Variants in KNG1 observed in about 807,000 individuals in gnomAD.
KNG1 encodes kininogen-1.
A neutral mutation model predicts 47.8 loss-of-function variants in KNG1; 23 were observed. The ratio of observed to expected loss-of-function variants is 0.48; its 90% CI spans 0.35 to 0.68. KNG1 has a LOEUF of 0.68. Among genes scored for constraint, KNG1 ranks in the 30% least tolerant of loss-of-function variants. The pLI, the probability that KNG1 is intolerant of heterozygous loss-of-function variation, is 0.01. For synonymous variants in KNG1, 277 were observed against 277.0 expected, an observed-to-expected ratio of 1.00 and a Z score of 0.00; for missense variants, 762 against 790.2, an observed-to-expected ratio of 0.96 and a Z score of 0.43.
At position 186,732,566 on chromosome 3, in the gene KNG1, C is replaced by G; in HGVS notation, c.822C>G (p.Asn274Lys). The stretch of plus-strand genomic sequence containing the variant: ...GCTGCCCCAGAGATATACCCACCAA[C>G]AGCCCAGAGCTGGAGGAGACACTGA... ...CVGCPRDIPT[N>K]SPELEETLTH... Residue 274 changes from asparagine (N) to lysine (K), a missense_variant, in exon 7 of 10, where the codon AAC becomes AAG. Physicochemically the swap from Asn to Lys is moderately conservative, Grantham distance 94 (BLOSUM62 0). Transcript: ENST00000644859. 1 of 1,614,098 alleles carries G rather than the reference C, an allele frequency of 6.2e-7. No individual in the cohort carries two copies. The highest frequency in any genetic ancestry group is 1.1e-5 in the South Asian group (1 of 91,076).
At chr3:186,738,863 G>C in intron 7 of KNG1, 1 of 421,798 alleles carries the variant, frequency 2.4e-6, no homozygotes, top group Non-Finnish European at 4.3e-6. Flanking sequence ...AAAAAATAAA[G>C]AAAATTATAG....
At chr3:186,739,306 C>T (rs750118131) in intron 8 of KNG1, 22 bp from the exon 9 acceptor site, 26 of 1,602,468 alleles carry the variant, frequency 1.6e-5, no homozygotes, top group Admixed American at 8.3e-5. Context: ...GTCTCTCTTT[C>T]GACTTCTGTT....
chr3:186,739,477 G>T, intron 9 of KNG1, 63 bp downstream of exon 9: 1 of 1,137,716 alleles, frequency 8.8e-7, no homozygotes, highest in Non-Finnish European at 1.3e-6. Flanking sequence ...CCATATTTGG[G>T]GGCTGAAAAT....
In KNG1 at chr3:186,743,776, G is replaced by C; in HGVS notation, c.*1445G>C. ...GGGCAGAGCCAGCATCTGAGAGGGA[G>C]GTCTCTTGACCAATGGGCAGAATCT... On this transcript the variant is annotated 3_prime_UTR_variant, in exon 10 of 10. Transcript: ENST00000644859. 6.2e-7 allele frequency: 1 copy of C among 1,613,746 alleles called. No individual in the cohort carries two copies. Among genetic ancestry groups the C allele is most frequent in the South Asian group, 1.1e-5 (1 of 91,074 alleles).
Position 186,725,166 on chromosome 3 carries a change from A to G in KNG1, c.470A>G (p.Glu157Gly), listed in dbSNP as rs754347642. ...HPISTQSPDL[E>G]PILRHGIQYF... ...ATATCAACGCAGAGCCCAGACCTGG[A>G]GCCCATTCTGAGACACGGCATTCAG... is the stretch of plus-strand genomic sequence containing the variant. Residue 157 changes from glutamate to glycine, a missense_variant, in exon 4 of 10, where the codon GAG (glutamate) becomes GGG (glycine). By Grantham distance (98) the Glu-to-Gly change is moderately conservative. Coordinates refer to ENST00000644859, the MANE Select transcript of KNG1 (RefSeq NM_001102416.3). The G allele has an allele frequency of 5.0e-6, 8 of 1,614,168 alleles. No homozygotes were observed. Among genetic ancestry groups the G allele is most frequent in the Non-Finnish European group, 6.8e-6 (8 of 1,180,004 alleles).
intron 5 of KNG1, 41 bp downstream of exon 5, chr3:186,727,385 TG>T: frequency 7.6e-7 from 1 of 1,307,450 alleles, no homozygotes; most frequent in South Asian, 1.2e-5. Context: ...CTTAGCATTT[TG>T]TTTACATTTT....
chr3:186,739,510 G>A, intron 9 of KNG1, 96 bp downstream of exon 9: 1 of 840,550 alleles, frequency 1.2e-6, no homozygotes, highest in Non-Finnish European at 2.1e-6. Flanking sequence ...AAATGAATTG[G>A]GGAGCTATCT....
chr3:186,726,075 C>A (rs28496811), intron 4 of KNG1, among the ~76,000 whole-genome samples: 28,441 of 151,622 alleles, frequency 0.19, 2,859 homozygotes, highest in South Asian at 0.31. Context: ...GGATTACAGG[C>A]GCTCATCACC....
In KNG1 at chr3:186,726,137, G is replaced by A. The variant is rs113271688; in HGVS notation, c.564+877G>A. On this transcript the variant is annotated intron_variant, in intron 4 of 9. Transcript: ENST00000644859. ...GTAGAGACGAGGTTTCACCATGGTG[G>A]CCAAGCGGGTGGTCTCAAACTCCCA... Among the ~76,000 whole-genome samples, 267 of 151,946 alleles carry A rather than the reference G, an allele frequency of 1.8e-3. 1 individual carries two copies. The highest frequency in any genetic ancestry group is 6.0e-3 in the African/African-American group (250 of 41,460).
chr3:186,727,241 T>C lies in KNG1; in HGVS notation c.569T>C (p.Val190Ala). The change falls in exon 5 of 10, where the codon GTG becomes GCG. Residue 190 changes from valine (V) to alanine (A), a missense_variant. Physicochemically the swap from Val to Ala is moderately conservative, Grantham distance 64. Transcript: ENST00000644859. ...TTCAATCTGAAATTGTTTCAGGTGG[T>C]GGCTGGATTGAACTTTCGAATTACC... is the stretch of plus-strand genomic sequence containing the variant. ...NEVKRAQRQV[V>A]AGLNFRITYS... 3 of 1,607,776 alleles carry C rather than the reference T, an allele frequency of 1.9e-6. No homozygotes were observed. Among genetic ancestry groups the C allele is most frequent in the Non-Finnish European group, 2.6e-6 (3 of 1,174,152 alleles).
At chr3:186,730,242 T>A (rs1035397441) in intron 5 of KNG1, among the ~76,000 whole-genome samples, 10 of 152,154 alleles carry the variant, frequency 6.6e-5, no homozygotes, top group Non-Finnish European at 1.3e-4. Flanking sequence ...TGTTTAAACA[T>A]GTTATGAATT....
At chr3:186,741,355 C>CA (rs1720805660) in intron 9 of KNG1, among the ~76,000 whole-genome samples, 167 bp from the exon 10 acceptor site, 2 of 151,706 alleles carry the variant, frequency 1.3e-5, no homozygotes, top group South Asian at 2.1e-4. Context: ...AATCAAAAGA[C>CA]AAAAAAAATT....
chr3:186,720,107 T>C lies in KNG1; in HGVS notation c.198T>C (p.Val66=). Residue 66 remains valine, a splice_region_variant and synonymous_variant, in exon 2 of 10, where the codon GTT becomes GTC. Coordinates refer to ENST00000644859, the MANE Select transcript of KNG1 (RefSeq NM_001102416.3). ...LYRITEATKT[V]GSDTFYSFKY... is the part of the protein sequence containing the mutation. ...AAGTATCTTTGGCTGCTTTTCAGGT[T>C]GGCTCTGACACGTTTTATTCCTTCA... is the stretch of plus-strand genomic sequence containing the variant. 1 of 1,609,654 alleles carries C rather than the reference T, an allele frequency of 6.2e-7. No individual in the cohort carries two copies. The highest frequency in any genetic ancestry group is 8.5e-7 in the Non-Finnish European group (1 of 1,175,866).
chr3:186,719,418 C>T (rs1289416869), intron 1 of KNG1, among the ~76,000 whole-genome samples: 1 of 152,098 alleles, frequency 6.6e-6, no homozygotes, highest in Non-Finnish European at 1.5e-5. Context: ...AAGTCATATA[C>T]GTTCATTAGG....
intron 5 of KNG1, among the ~76,000 whole-genome samples, chr3:186,730,165 C>G (rs970307396): frequency 6.1e-5 from 9 of 147,822 alleles, no homozygotes; most frequent in Non-Finnish European, 1.0e-4. Flanking sequence ...TTTTTTTTTC[C>G]TTATCCAAGA....
At chr3:186,739,044 T>C in intron 7 of KNG1, 55 bp from the exon 8 acceptor site, 1 of 1,352,942 alleles carries the variant, frequency 7.4e-7, no homozygotes, top group Non-Finnish European at 1.1e-6. Context: ...TAAAGATAAA[T>C]GATTTATTAT....
At chr3:186,738,229 C>T (rs545131218) in intron 7 of KNG1, 2 of 152,126 alleles carry the variant, frequency 1.3e-5, no homozygotes, top group African/African-American at 4.8e-5. Context: ...CCACCCGCCT[C>T]AGCCTCCCAA....
chr3:186,730,669 AAAAAAAAAAAAAAAATATATATATAT>A lies in KNG1; in HGVS notation c.673-874_673-849del, dbSNP rs1294698781. The stretch of plus-strand genomic sequence containing the variant: ...AGACTCCATCACAAAAAAAAAAAAA[AAAAAAAAAAAAAAAATATATATATAT>A]ATATATATATATATATATATACACA... On this transcript the variant is annotated intron_variant, in intron 5 of 9. Transcript: ENST00000644859. Among the ~76,000 whole-genome samples the A allele has an allele frequency of 2.2e-3, 144 of 64,138 alleles. 1 individual carries two copies. The highest frequency in any genetic ancestry group is 0.01 in the South Asian group (22 of 2,144). The allele number at this position is 64,138 out of a possible 152,430, so 42.1% of individuals were successfully genotyped here.
chr3:186,744,311 C>T lies in KNG1; in HGVS notation c.*1980C>T, dbSNP rs1310069155. 1 of 154,058 alleles carries T rather than the reference C, an allele frequency of 6.5e-6. No homozygotes were observed. The highest frequency in any genetic ancestry group is 2.4e-5 in the African/African-American group (1 of 41,468). 9.5% of individuals were successfully genotyped at this position (154,058 alleles called of 1,614,324 possible). On this transcript the variant is annotated 3_prime_UTR_variant, in exon 10 of 10. Transcript: ENST00000644859. ...GTTAATAGAATGTCTACCAACTTCT[C>T]ACTATCAGAAAATACTCAACCTCCA...
Sources: allele counts gnomAD v4.1 joint callset (sites outside exome capture counted in the v4.1 genomes callset), GRCh38; gene constraint gnomAD v4.1.1; transcripts MANE v1.5; gene names NCBI Gene and HGNC (gene_info 2026-07-23, HGNC 2026-07-21).